ST3GAL4: variants seen among roughly 807,000 people sequenced by gnomAD.
The protein encoded by ST3GAL4 is ST3 beta-galactoside alpha-2,3-sialyltransferase 4.
In ST3GAL4, 24 loss-of-function variants were observed where a neutral mutation model predicts 42.6. The observed-to-expected ratio is 0.56, with a 90% confidence interval of 0.41 to 0.79. The LOEUF (loss-of-function observed/expected upper bound fraction) is 0.79. Ranked by LOEUF, ST3GAL4 falls within the 30% of genes least tolerant of loss-of-function variation. The pLI is 0.00. For missense variants in ST3GAL4, 311 were observed against 430.8 expected (o/e 0.72, Z 2.46); for synonymous variants, 135 against 163.2 (o/e 0.83, Z 1.32).
chr11:126,373,895 G>A lies in ST3GAL4; in HGVS notation c.-61+18053G>A, dbSNP rs1285250908. Among the ~76,000 whole-genome samples the A allele has an allele frequency of 7.2e-5, 11 of 152,086 alleles. No individual in the cohort carries two copies. The highest frequency in any genetic ancestry group is 2.1e-4 in the South Asian group (1 of 4,826). On this transcript the variant is annotated intron_variant, in intron 1 of 10. Transcript: ENST00000444328. This position sits in a 1 kb window ranked among gnomAD's most constrained non-coding sequence, Gnocchi z 5.5. ...GCAGCGTCCAGCCAGGGACTGTGCC[G>A]CAGGGGCCAGAAGATATCTGACCTA...
chr11:126,393,995 A>G lies in ST3GAL4; in HGVS notation c.-60-12101A>G, dbSNP rs1953622410. Among the ~76,000 whole-genome samples, 1 of 152,250 alleles carries G rather than the reference A, an allele frequency of 6.6e-6. No individual in the cohort carries two copies. On this transcript the variant is annotated intron_variant, in intron 1 of 10. Transcript: ENST00000444328. The surrounding 1 kb of genome is among the most constrained non-coding windows in gnomAD (Gnocchi z 5.9). ...GGTGTGTATTTTCCACTTAAAGCACATGTCAGTGTGGACTGGCCCCATTGC... is the reference window on the plus strand; with the variant it reads ...GGTGTGTATTTTCCACTTAAAGCACGTGTCAGTGTGGACTGGCCCCATTGC...
intron 1 of ST3GAL4, chr11:126,405,673 G>A (rs144199922): frequency 3.4e-3 from 732 of 215,254 alleles, no homozygotes; most frequent in Middle Eastern, 6.0e-3. Context: ...CCTCTGTTGG[G>A]TAAAAGAGGA....
At position 126,406,718 on chromosome 11, in the gene ST3GAL4, G is replaced by A; in HGVS notation, c.101+161G>A. 1 of 1,022,032 alleles carries A rather than the reference G, an allele frequency of 9.8e-7. No homozygotes were observed. Among genetic ancestry groups the A allele is most frequent in the Non-Finnish European group, 1.4e-6 (1 of 701,136 alleles). 63.3% of individuals were successfully genotyped at this position (1,022,032 alleles called of 1,614,324 possible). A position where few individuals can be genotyped will look rare whatever the true frequency, so the allele number is the denominator to read the frequency against. ...GGTACGGAGTGTTTCCATGAGGGTGGGTGGGGGTAGGGCCTGGGATGTCTC... is the reference window on the plus strand; with the variant it reads ...GGTACGGAGTGTTTCCATGAGGGTGAGTGGGGGTAGGGCCTGGGATGTCTC... On this transcript the variant is annotated intron_variant, in intron 3 of 10. Transcript: ENST00000444328. This position sits in a 1 kb window ranked among gnomAD's most constrained non-coding sequence, Gnocchi z 5.4.
At chr11:126,374,110 T>C (rs1591433214) in intron 1 of ST3GAL4, among the ~76,000 whole-genome samples, 1 of 151,044 alleles carries the variant, frequency 6.6e-6, no homozygotes, top group East Asian at 2.0e-4. Context: ...GGGCCTGCAG[T>C]GTTGGGTGTG....
At position 126,414,469 on chromosome 11, in the gene ST3GAL4, C is replaced by T. The variant is rs1244921352; in HGVS notation, c.*422C>T. 1 of 192,226 alleles carries T rather than the reference C, an allele frequency of 5.2e-6. No homozygotes were observed. Among genetic ancestry groups the T allele is most frequent in the African/African-American group, 2.3e-5 (1 of 42,966 alleles). The allele number at this position is 192,226 out of a possible 1,614,324, so 11.9% of individuals were successfully genotyped here. On this transcript the variant is annotated 3_prime_UTR_variant, in exon 11 of 11. Coordinates refer to ENST00000444328, the MANE Select transcript of ST3GAL4 (RefSeq NM_001254757.2). ...CACCAAGGCCTAGACACGGCACTGG[C>T]CTCCCAGGAGGGCAGGGGCATTGGG...
At chr11:126,405,853 G>A (rs924550422) in intron 1 of ST3GAL4, 2 of 543,748 alleles carry the variant, frequency 3.7e-6, no homozygotes, top group Non-Finnish European at 6.6e-6. Context: ...ACCGAGTCCC[G>A]AGTCCCTGGC....
chr11:126,397,069 C>A lies in ST3GAL4; in HGVS notation c.-60-9027C>A, dbSNP rs1953807628. On this transcript the variant is annotated intron_variant, in intron 1 of 10. Transcript: ENST00000444328. The surrounding 1 kb of genome is among the most constrained non-coding windows in gnomAD (Gnocchi z 5.0). The stretch of plus-strand genomic sequence containing the variant: ...ACCCCGCAACAGTGAACTCTCTGGC[C>A]CCTCCAAGTCAGTGGTGCAGAGATT... 6.6e-6 allele frequency among the ~76,000 whole-genome samples: 1 copy of A among 152,030 alleles called. No homozygotes were observed. Among genetic ancestry groups the A allele is most frequent in the African/African-American group, 2.4e-5 (1 of 41,340 alleles).
chr11:126,362,611 A>C (rs1952284126), intron 1 of ST3GAL4, among the ~76,000 whole-genome samples: 1 of 152,182 alleles, frequency 6.6e-6, no homozygotes, highest in African/African-American at 2.4e-5. Flanking sequence ...GGTGGGGTCC[A>C]GAGACTGAAG....
At chr11:126,362,720 G>A (rs76054236) in intron 1 of ST3GAL4, among the ~76,000 whole-genome samples, 1,893 of 152,216 alleles carry the variant, frequency 0.012, 20 homozygotes, top group African/African-American at 0.029. Context: ...ATGTGACCTC[G>A]GGCAGGTCTT....
chr11:126,404,335 C>G (rs1036201185), intron 1 of ST3GAL4, among the ~76,000 whole-genome samples: 1 of 152,154 alleles, frequency 6.6e-6, no homozygotes, highest in Non-Finnish European at 1.5e-5. Flanking sequence ...GAGGTGTGAT[C>G]GTCCACGGTA....
In ST3GAL4 at chr11:126,378,723, G is replaced by A. The variant is rs953516343; in HGVS notation, c.-61+22881G>A. 2.0e-5 allele frequency among the ~76,000 whole-genome samples: 3 copies of A among 152,310 alleles called. No homozygotes were observed. The highest frequency in any genetic ancestry group is 4.1e-4 in the South Asian group (2 of 4,822). ...ACCTGAGCATTGATCTGTCCAATAAGCAAGACTGTTATGTACATTATGTAG... is the reference window on the plus strand; with the variant it reads ...ACCTGAGCATTGATCTGTCCAATAAACAAGACTGTTATGTACATTATGTAG... On this transcript the variant is annotated intron_variant, in intron 1 of 10. Transcript: ENST00000444328. This position sits in a 1 kb window ranked among gnomAD's most constrained non-coding sequence, Gnocchi z 5.3.
At chr11:126,358,311 G>A in intron 1 of ST3GAL4, 1 of 256,130 alleles carries the variant, frequency 3.9e-6, no homozygotes, top group Non-Finnish European at 8.3e-6. Context: ...CAAGACCCAC[G>A]ACCTTGACCT....
intron 1 of ST3GAL4, among the ~76,000 whole-genome samples, chr11:126,375,550 G>C (rs4477452): frequency 0.78 from 118,001 of 150,360 alleles, 47,021 homozygotes; most frequent in African/African-American, 0.89. Context: ...AACCTGGGCC[G>C]GTTACTGACC....
At chr11:126,413,144 G>T (rs1954601606) in intron 9 of ST3GAL4, among the ~76,000 whole-genome samples, 1 of 152,096 alleles carries the variant, frequency 6.6e-6, no homozygotes, top group Non-Finnish European at 1.5e-5. Flanking sequence ...GCCCAGGCTG[G>T]AGTGCAGCAG....
chr11:126,370,094 C>T (rs1192278885), intron 1 of ST3GAL4, among the ~76,000 whole-genome samples: 1 of 152,138 alleles, frequency 6.6e-6, no homozygotes, highest in African/African-American at 2.4e-5. Flanking sequence ...AGAAAAAGTG[C>T]TGCAGTAAAG....
rs1054572331 is a variant in ST3GAL4 at position 126,397,895 on chromosome 11, C to A, written c.-60-8201C>A. On this transcript the variant is annotated intron_variant, in intron 1 of 10. Transcript: ENST00000444328. This position sits in a 1 kb window ranked among gnomAD's most constrained non-coding sequence, Gnocchi z 5.0. ...CCTTGACCCATTCATGAGAACAGAG[C>A]CCTCATGGCCTACTCTTATGAGACC... Among the ~76,000 whole-genome samples, 3 of 151,914 alleles carry A rather than the reference C, an allele frequency of 2.0e-5. No homozygotes were observed. The highest frequency in any genetic ancestry group is 7.2e-5 in the African/African-American group (3 of 41,396).
intron 1 of ST3GAL4, among the ~76,000 whole-genome samples, chr11:126,370,141 CTT>C (rs904527666): frequency 6.6e-6 from 1 of 152,178 alleles, no homozygotes; most frequent in African/African-American, 2.4e-5. Flanking sequence ...ATATAGGAAA[CTT>C]TTCTGTGGAA....
At chr11:126,402,742 A>G (rs978818467) in intron 1 of ST3GAL4, among the ~76,000 whole-genome samples, 1 of 152,140 alleles carries the variant, frequency 6.6e-6, no homozygotes, top group African/African-American at 2.4e-5. Context: ...AGCAGGAGGC[A>G]TGGTTTCTGC....
chr11:126,402,091 A>AGT (rs146212978), intron 1 of ST3GAL4, among the ~76,000 whole-genome samples: 5 of 131,666 alleles, frequency 3.8e-5, no homozygotes, highest in African/African-American at 5.5e-5. Flanking sequence ...ATTTGGGGGA[A>AGT]AGAGGGGAGG....
Sources: gnomAD v4.1 joint callset for allele counts (sites outside exome capture counted in the v4.1 genomes callset) on GRCh38, gnomAD v4.1.1 for gene constraint, Gnocchi (gnomAD v3.1) non-coding constraint, MANE v1.5 for transcripts, NCBI Gene and HGNC (gene_info 2026-07-23, HGNC 2026-07-21) for gene names.